PTPRD: variants seen among roughly 807,000 people sequenced by gnomAD.
PTPRD encodes the protein receptor-type tyrosine-protein phosphatase delta.
PTPRD carries 34 observed loss-of-function variants against 214.5 expected under a neutral mutation model. That is an observed-to-expected ratio of 0.16 (90% CI 0.12 to 0.21). The LOEUF (loss-of-function observed/expected upper bound fraction) is 0.21. Among genes scored for constraint, PTPRD ranks in the 10% least tolerant of loss-of-function variants. PTPRD has a pLI of 1.00. For missense variants in PTPRD, 2,545 were observed against 2,398.7 expected (o/e 1.06, Z -1.27); for synonymous variants, 1,128 against 845.7 (o/e 1.33, Z -5.79).
At chr9:9,895,883 G>A (rs1040464310) in intron 5 of PTPRD, among the ~76,000 whole-genome samples, 1 of 151,868 alleles carries the variant, frequency 6.6e-6, no homozygotes, top group Non-Finnish European at 1.5e-5. Context: ...CTATCACGAA[G>A]GTGATGAATA....
At chr9:9,237,569 T>A (rs2099967618) in intron 9 of PTPRD, among the ~76,000 whole-genome samples, 1 of 152,142 alleles carries the variant, frequency 6.6e-6, no homozygotes, top group African/African-American at 2.4e-5. Flanking sequence ...GCAAATATCT[T>A]CCCTTCCCCC....
chr9:8,465,281 T>C (rs891510702), intron 32 of PTPRD, among the ~76,000 whole-genome samples, 185 bp downstream of exon 32: 17 of 151,936 alleles, frequency 1.1e-4, no homozygotes, highest in African/African-American at 4.1e-4. Flanking sequence ...CATAGTCTCA[T>C]TTGTAATGCA....
chr9:10,038,288 A>G (rs1039409807), intron 3 of PTPRD, among the ~76,000 whole-genome samples: 1 of 152,140 alleles, frequency 6.6e-6, no homozygotes, highest in African/African-American at 2.4e-5. Context: ...ATGATGGCCT[A>G]ATACAAAGCC....
intron 10 of PTPRD, among the ~76,000 whole-genome samples, chr9:9,019,831 A>C (rs1031692978): frequency 2.6e-5 from 4 of 152,152 alleles, no homozygotes; most frequent in Non-Finnish European, 4.4e-5. Flanking sequence ...AACTCTAAAA[A>C]CTGGGCACCG....
chr9:9,395,386 C>T (rs2067415497), intron 9 of PTPRD, among the ~76,000 whole-genome samples: 1 of 152,056 alleles, frequency 6.6e-6, no homozygotes, highest in African/African-American at 2.4e-5. Context: ...GCTTCATTTA[C>T]CTTGAGAGAC....
intron 3 of PTPRD, among the ~76,000 whole-genome samples, chr9:10,217,237 C>T (rs937262299): frequency 6.6e-5 from 10 of 151,700 alleles, no homozygotes; most frequent in African/African-American, 2.4e-4. Context: ...GTTATTGGCA[C>T]ATCTAGTATC....
chr9:9,600,268 G>A (rs956389342), intron 7 of PTPRD, among the ~76,000 whole-genome samples: 5 of 152,056 alleles, frequency 3.3e-5, no homozygotes, highest in Non-Finnish European at 7.4e-5. Context: ...GGCAGGAGAG[G>A]AAGTACAATT....
chr9:8,339,600 T>G (rs1029979627), intron 42 of PTPRD, among the ~76,000 whole-genome samples: 1 of 152,140 alleles, frequency 6.6e-6, no homozygotes, highest in African/African-American at 2.4e-5. Context: ...AGTCAGTTAC[T>G]TTCCTCGTCT....
intron 8 of PTPRD, among the ~76,000 whole-genome samples, chr9:9,469,780 A>G (rs1178909110): frequency 3.3e-5 from 5 of 152,142 alleles, no homozygotes; most frequent in Admixed American, 2.0e-4. Flanking sequence ...TGTTCTTATT[A>G]TGCTTATATA....
Position 8,661,431 on chromosome 9 carries a change from C to G in PTPRD, c.65-24587G>C, listed in dbSNP as rs192271139. Among the ~76,000 whole-genome samples the G allele has an allele frequency of 1.7e-3, 251 of 151,910 alleles. 3 individuals carry two copies. Among genetic ancestry groups the G allele is most frequent in the African/African-American group, 6.0e-3 (248 of 41,372 alleles). On this transcript the variant is annotated intron_variant, in intron 12 of 45. Transcript: ENST00000381196. Reference sequence around the variant, plus strand: ...ATCTAGTATCAAGGCAGTACTATGCCTGACATATAGAAAAAATGACTTTGT... The same window carrying G: ...ATCTAGTATCAAGGCAGTACTATGCGTGACATATAGAAAAAATGACTTTGT...
chr9:10,430,842 T>C (rs1289441741), intron 2 of PTPRD, among the ~76,000 whole-genome samples: 1 of 151,976 alleles, frequency 6.6e-6, no homozygotes, highest in Non-Finnish European at 1.5e-5. Context: ...CCCTTTTTTA[T>C]CCCTGATGTT....
At chr9:9,928,399 T>C (rs1279493358) in intron 5 of PTPRD, among the ~76,000 whole-genome samples, 4 of 152,176 alleles carry the variant, frequency 2.6e-5, no homozygotes, top group Admixed American at 2.0e-4. Context: ...ATTCCCTTTG[T>C]TATCAAAGGA....
chr9:10,428,382 GATCT>G (rs2098645215), intron 2 of PTPRD, among the ~76,000 whole-genome samples: 1 of 152,014 alleles, frequency 6.6e-6, no homozygotes, highest in Admixed American at 6.6e-5. Flanking sequence ...ACTCATAACA[GATCT>G]ACCTTTAAAT....
intron 3 of PTPRD, among the ~76,000 whole-genome samples, chr9:10,127,652 A>T (rs2098829728): frequency 6.6e-6 from 1 of 152,162 alleles, no homozygotes; most frequent in Non-Finnish European, 1.5e-5. Context: ...CCATCCTGTT[A>T]TTATTCATCA....
chr9:9,321,910 T>G (rs1377459111), intron 9 of PTPRD, among the ~76,000 whole-genome samples: 1 of 152,208 alleles, frequency 6.6e-6, no homozygotes, highest in Non-Finnish European at 1.5e-5. Context: ...TAACTTGATT[T>G]TGATTGAGGT....
intron 7 of PTPRD, among the ~76,000 whole-genome samples, chr9:9,667,800 G>C (rs537295738): frequency 1.3e-5 from 2 of 152,270 alleles, no homozygotes; most frequent in African/African-American, 2.4e-5. Flanking sequence ...TTTATTCAGA[G>C]GTCTGTAGGG....
intron 11 of PTPRD, among the ~76,000 whole-genome samples, chr9:8,766,318 G>A (rs1449809678): frequency 6.6e-6 from 1 of 152,046 alleles, no homozygotes; most frequent in Non-Finnish European, 1.5e-5. Flanking sequence ...TGCACTGTAG[G>A]TGAGTCAGTG....
chr9:8,724,259 C>T (rs2098533903), intron 12 of PTPRD, among the ~76,000 whole-genome samples: 1 of 152,062 alleles, frequency 6.6e-6, no homozygotes, highest in Non-Finnish European at 1.5e-5. Flanking sequence ...CACTTTAGGT[C>T]CCTTCTTAAC....
chr9:8,756,500 G>C (rs1032492630), intron 11 of PTPRD, among the ~76,000 whole-genome samples: 1 of 152,162 alleles, frequency 6.6e-6, no homozygotes, highest in East Asian at 1.9e-4. Flanking sequence ...GATCAAAGGA[G>C]ACTGTGGTAT....
Sources: allele counts gnomAD v4.1 joint callset (sites outside exome capture counted in the v4.1 genomes callset), GRCh38; gene constraint gnomAD v4.1.1; transcripts MANE v1.5; gene names NCBI Gene and HGNC (gene_info 2026-07-23, HGNC 2026-07-21).